The following MACROD2 variants were observed in gnomAD, a reference collection of about 807,000 sequenced individuals.
The protein encoded by MACROD2 is ADP-ribose glycohydrolase MACROD2.
In MACROD2, 36 loss-of-function variants were observed where a neutral mutation model predicts 70.4. That is an observed-to-expected ratio of 0.51 (90% CI 0.39 to 0.68). The LOEUF is 0.68. Among genes scored for constraint, MACROD2 ranks in the 30% least tolerant of loss-of-function variants. The probability of loss-of-function intolerance (pLI) is 0.00; values close to 1 mark genes in which losing one functional copy is unlikely to be tolerated. For missense variants in MACROD2, 496 were observed against 538.4 expected, an observed-to-expected ratio of 0.92 and a Z score of 0.78; for synonymous variants, 172 against 178.8, an observed-to-expected ratio of 0.96 and a Z score of 0.30.
chr20:14,548,806 A>C (rs909040228), intron 4 of MACROD2, among the ~76,000 whole-genome samples: 1 of 151,936 alleles, frequency 6.6e-6, no homozygotes, highest in African/African-American at 2.4e-5. Context: ...GATCCCTGGA[A>C]GTATTAAATG....
chr20:14,660,410 G>A (rs945614241), intron 4 of MACROD2, among the ~76,000 whole-genome samples: 3 of 152,150 alleles, frequency 2.0e-5, no homozygotes, highest in Admixed American at 6.5e-5. Flanking sequence ...AAGTGTTTCA[G>A]TAAATATTTT....
intron 8 of MACROD2, among the ~76,000 whole-genome samples, chr20:15,564,692 C>G (rs1159518891): frequency 6.6e-6 from 1 of 152,128 alleles, no homozygotes; most frequent in African/African-American, 2.4e-5. Flanking sequence ...TAATCACAAT[C>G]TTACAGAAAA....
intron 5 of MACROD2, among the ~76,000 whole-genome samples, chr20:15,027,559 G>T (rs373626701): frequency 0.16 from 18,626 of 119,716 alleles, 1,540 homozygotes; most frequent in Non-Finnish European, 0.23. Flanking sequence ...GGTGGTGGTG[G>T]GGGGAAATAA....
intron 2 of MACROD2, among the ~76,000 whole-genome samples, chr20:14,038,265 G>A (rs1307722673): frequency 1.3e-5 from 2 of 151,120 alleles, no homozygotes; most frequent in African/African-American, 4.9e-5. Context: ...CTGCACTCCA[G>A]CCTGGGCCAC....
At chr20:15,065,226 T>C (rs1158995425) in intron 5 of MACROD2, among the ~76,000 whole-genome samples, 1 of 151,992 alleles carries the variant, frequency 6.6e-6, no homozygotes, top group Non-Finnish European at 1.5e-5. Context: ...AGCCAGCTAG[T>C]GGTGTGATTG....
At chr20:14,712,551 A>T (rs1028712091) in intron 5 of MACROD2, among the ~76,000 whole-genome samples, 1 of 152,200 alleles carries the variant, frequency 6.6e-6, no homozygotes, top group Non-Finnish European at 1.5e-5. Flanking sequence ...ATATCAGATG[A>T]GGGCAATCTT....
intron 4 of MACROD2, among the ~76,000 whole-genome samples, chr20:14,669,985 T>C (rs1055699304): frequency 6.6e-6 from 1 of 152,000 alleles, no homozygotes; most frequent in Admixed American, 6.6e-5. Context: ...TTGAGAAGGG[T>C]CTCTGCCTGG....
intron 8 of MACROD2, among the ~76,000 whole-genome samples, chr20:15,693,352 T>C (rs888021540): frequency 1.3e-5 from 2 of 152,208 alleles, no homozygotes; most frequent in African/African-American, 4.8e-5. Context: ...AGAGATAGTG[T>C]CTTGTATCCT....
rs138782583 is a variant in MACROD2 at position 14,660,783 on chromosome 20, T to C, written c.302-24060T>C. Among the ~76,000 whole-genome samples, 17 of 152,176 alleles carry C rather than the reference T, an allele frequency of 1.1e-4. No homozygotes were observed. In the East Asian group the frequency reaches 2.1e-3, roughly 19 times the overall value. Reference sequence around the variant, plus strand: ...ATACCCAGTGTTTAGCTCCCACTTATAAGTGAGAACGTGCGATTTTTGGTT... The same window carrying C: ...ATACCCAGTGTTTAGCTCCCACTTACAAGTGAGAACGTGCGATTTTTGGTT... On this transcript the variant is annotated intron_variant, in intron 4 of 17. Coordinates refer to ENST00000684519, the MANE Select transcript of MACROD2 (RefSeq NM_001351661.2).
chr20:15,282,509 C>T (rs185184206), intron 6 of MACROD2, among the ~76,000 whole-genome samples: 9 of 152,162 alleles, frequency 5.9e-5, no homozygotes, highest in Non-Finnish European at 1.3e-4. Flanking sequence ...GCCAGATTCC[C>T]TAACTCATTT....
At chr20:14,523,237 T>C (rs1244017499) in intron 4 of MACROD2, among the ~76,000 whole-genome samples, 1 of 152,190 alleles carries the variant, frequency 6.6e-6, no homozygotes, top group Non-Finnish European at 1.5e-5. Context: ...ATAGATGGCT[T>C]GCTTTCTCCT....
At chr20:15,354,918 TG>T (rs550977347) in intron 6 of MACROD2, among the ~76,000 whole-genome samples, 473 of 152,340 alleles carry the variant, frequency 3.1e-3, no homozygotes, top group Non-Finnish European at 5.2e-3. Context: ...ATTTATCAAT[TG>T]TGCACTAGTT....
chr20:14,639,873 A>G (rs1029424912), intron 4 of MACROD2, among the ~76,000 whole-genome samples: 1 of 152,138 alleles, frequency 6.6e-6, no homozygotes, highest in African/African-American at 2.4e-5. Context: ...TTTTTTTACA[A>G]GCTCAGGGTA....
chr20:14,242,554 A>T (rs888635872), intron 3 of MACROD2, among the ~76,000 whole-genome samples: 22 of 152,156 alleles, frequency 1.4e-4, no homozygotes, highest in Non-Finnish European at 2.6e-4. Context: ...AGGAAATTTT[A>T]TTTATTTGAA....
intron 8 of MACROD2, among the ~76,000 whole-genome samples, chr20:15,614,329 C>A (rs1211328007): frequency 1.3e-5 from 2 of 152,190 alleles, no homozygotes; most frequent in African/African-American, 4.8e-5. Context: ...TGATAATTTT[C>A]TCCCATAACC....
chr20:14,383,348 G>A (rs949053412), intron 3 of MACROD2, among the ~76,000 whole-genome samples: 1 of 151,742 alleles, frequency 6.6e-6, no homozygotes, highest in African/African-American at 2.4e-5. Context: ...GTGACGATAG[G>A]AATAAATAGT....
chr20:14,459,705 T>C (rs1275698585), intron 3 of MACROD2, among the ~76,000 whole-genome samples: 1 of 152,142 alleles, frequency 6.6e-6, no homozygotes, highest in Non-Finnish European at 1.5e-5. Context: ...TTATGATTAT[T>C]ATTTCATGGA....
chr20:15,104,909 T>C (rs1445662912), intron 5 of MACROD2, among the ~76,000 whole-genome samples: 2 of 152,118 alleles, frequency 1.3e-5, no homozygotes, highest in South Asian at 2.1e-4. Flanking sequence ...CATAGTATTG[T>C]TTTATTTTAT....
rs1479013291 is a variant in MACROD2, at chr20:14,085,785, TTAAA to T, written c.271+65_271+68del. On this transcript the variant is annotated intron_variant, in intron 3 of 17. Coordinates refer to ENST00000684519, the MANE Select transcript of MACROD2 (RefSeq NM_001351661.2). ...TTATGTAAGTATTATTTCAAAATTT[TTAAA>T]TAAATAAGAATGTAAGTATTTTAGA... The T allele has an allele frequency of 2.1e-4, 214 of 1,013,654 alleles. 1 individual carries two copies. Among genetic ancestry groups the T allele is most frequent in the Middle Eastern group, 5.1e-4 (2 of 3,900 alleles). The allele number at this position is 1,013,654 out of a possible 1,614,324, so 62.8% of individuals were successfully genotyped here.
Sources: allele counts gnomAD v4.1 joint callset (sites outside exome capture counted in the v4.1 genomes callset), GRCh38; gene constraint gnomAD v4.1.1; transcripts MANE v1.5; gene names NCBI Gene and HGNC (gene_info 2026-07-23, HGNC 2026-07-21).